F13A1: variants seen among roughly 807,000 people sequenced by gnomAD.
F13A1 encodes coagulation factor XIII A chain, also known as FSF, A subunit.
F13A1 carries 47 observed loss-of-function variants against 80.1 expected under a neutral mutation model. The ratio of observed to expected loss-of-function variants is 0.59; its 90% CI spans 0.46 to 0.75. The LOEUF is 0.75. Ranked by LOEUF, F13A1 falls within the 30% of genes least tolerant of loss-of-function variation. F13A1 has a pLI of 0.00. For missense variants in F13A1, 817 were observed against 930.4 expected (o/e 0.88, Z 1.59); for synonymous variants, 349 against 344.9 (o/e 1.01, Z -0.13).
intron 8 of F13A1, among the ~76,000 whole-genome samples, chr6:6,208,210 C>T (rs1761528072): frequency 6.6e-6 from 1 of 151,914 alleles, no homozygotes; most frequent in African/African-American, 2.4e-5. Context: ...TGAAAAGGAA[C>T]CAAATAGAAA....
intron 14 of F13A1, among the ~76,000 whole-genome samples, chr6:6,147,497 C>T (rs1367529778): frequency 6.6e-6 from 1 of 152,196 alleles, no homozygotes. Flanking sequence ...AGAAAATTCT[C>T]AGTGCTCAAT....
In F13A1 at chr6:6,250,280, GC is replaced by G. The variant is rs1757612400; in HGVS notation, c.690+530del. On this transcript the variant is annotated intron_variant, in intron 5 of 14. Coordinates refer to ENST00000264870, the MANE Select transcript of F13A1 (RefSeq NM_000129.4). This position sits in a 1 kb window ranked among gnomAD's most constrained non-coding sequence, Gnocchi z 4.2. The stretch of plus-strand genomic sequence containing the variant: ...GAATGACTGAACATCTTAAAGAAAT[GC>G]CATTTGCTACTTTGTGTCTAGACAA... Among the ~76,000 whole-genome samples, 2 of 152,150 alleles carry G rather than the reference GC, an allele frequency of 1.3e-5. No homozygotes were observed. The highest frequency in any genetic ancestry group is 4.2e-4 in the South Asian group (2 of 4,818).
intron 6 of F13A1, among the ~76,000 whole-genome samples, chr6:6,245,333 C>T (rs1296999646): frequency 6.6e-6 from 1 of 152,156 alleles, no homozygotes; most frequent in Non-Finnish European, 1.5e-5. Flanking sequence ...AGCAATTCTC[C>T]TGCCTCAGCC....
intron 3 of F13A1, among the ~76,000 whole-genome samples, chr6:6,288,008 TA>T (rs1354923355): frequency 1.4e-4 from 21 of 151,874 alleles, no homozygotes; most frequent in Admixed American, 1.2e-3. Flanking sequence ...AGATGTTTTT[TA>T]AAAAATAGAC....
At chr6:6,256,857 T>C (rs541736514) in intron 4 of F13A1, among the ~76,000 whole-genome samples, 15 of 151,832 alleles carry the variant, frequency 9.9e-5, no homozygotes, top group African/African-American at 3.6e-4. Context: ...AAGTTCCATT[T>C]CCTTGGTCAT....
In F13A1 at chr6:6,189,941, C is replaced by G. The variant is rs141454395; in HGVS notation, c.1305+5856G>C. Among the ~76,000 whole-genome samples, 666 of 152,214 alleles carry G rather than the reference C, an allele frequency of 4.4e-3. 6 individuals carry two copies. Among genetic ancestry groups the G allele is most frequent in the African/African-American group, 0.015 (628 of 41,534 alleles). On this transcript the variant is annotated intron_variant, in intron 10 of 14. Coordinates refer to ENST00000264870, the MANE Select transcript of F13A1 (RefSeq NM_000129.4). Reference sequence around the variant, plus strand: ...CTGGTTTCTTTTTATTCTTTTTTCTCTAAACTTCCCATCTTGCTTCATTTC... The same window carrying G: ...CTGGTTTCTTTTTATTCTTTTTTCTGTAAACTTCCCATCTTGCTTCATTTC...
Position 6,175,138 on chromosome 6 carries a change from A to G in F13A1, c.1460-271T>C, listed in dbSNP as rs1194371341. Among the ~76,000 whole-genome samples, 71 of 152,176 alleles carry G rather than the reference A, an allele frequency of 4.7e-4. 1 individual carries two copies. Among genetic ancestry groups the G allele is most frequent in the Admixed American group, 4.6e-3 (71 of 15,284 alleles). ...GGGGTTTCTCCGGGGCCACTATTTC[A>G]GGGGGTGGGAGGTAAAATTGGCAAT... is the stretch of plus-strand genomic sequence containing the variant. On this transcript the variant is annotated intron_variant, in intron 11 of 14. Transcript: ENST00000264870.
At chr6:6,259,179 G>A (rs907977876) in intron 4 of F13A1, among the ~76,000 whole-genome samples, 1 of 152,158 alleles carries the variant, frequency 6.6e-6, no homozygotes, top group African/African-American at 2.4e-5. Flanking sequence ...CAATATTTGT[G>A]GATTGATGGA....
intron 3 of F13A1, among the ~76,000 whole-genome samples, chr6:6,303,927 C>G (rs1238116689): frequency 1.3e-5 from 2 of 152,108 alleles, no homozygotes; most frequent in African/African-American, 4.8e-5. Context: ...AGCCAACTTA[C>G]AAAGTTTTAT....
At chr6:6,247,373 T>A (rs757745532) in intron 6 of F13A1, among the ~76,000 whole-genome samples, 31 of 152,244 alleles carry the variant, frequency 2.0e-4, no homozygotes, top group Non-Finnish European at 4.0e-4. Flanking sequence ...TATTTCTTTT[T>A]TTCAGTCTTT....
At chr6:6,186,033 T>C (rs565152000) in intron 10 of F13A1, among the ~76,000 whole-genome samples, 13 of 151,516 alleles carry the variant, frequency 8.6e-5, no homozygotes, top group South Asian at 2.1e-4. Flanking sequence ...TTGAGAAGTG[T>C]CTGTTCATGT....
At chr6:6,191,945 C>G (rs6906915) in intron 10 of F13A1, among the ~76,000 whole-genome samples, 101,106 of 152,072 alleles carry the variant, frequency 0.66, 34,598 homozygotes, top group African/African-American at 0.83. Flanking sequence ...ATTTTAGGTG[C>G]AGTTGGGTGA....
At chr6:6,156,387 C>G (rs1450523858) in intron 13 of F13A1, among the ~76,000 whole-genome samples, 1 of 152,070 alleles carries the variant, frequency 6.6e-6, no homozygotes, top group Non-Finnish European at 1.5e-5. Flanking sequence ...TAAGCATATG[C>G]TTTAAAAATA....
intron 3 of F13A1, among the ~76,000 whole-genome samples, chr6:6,274,345 G>A (rs182093919): frequency 5.0e-4 from 76 of 152,280 alleles, no homozygotes; most frequent in African/African-American, 1.7e-3. Context: ...AATGTAAGGC[G>A]TAATTTTGTG....
rs1399870302 is a variant in F13A1 at position 6,187,969 on chromosome 6, G to A, written c.1306-5828C>T. The stretch of plus-strand genomic sequence containing the variant: ...AGTCTTGGGAGAGTGTATGTGTCGA[G>A]GAATTTATCCATTTCTTCTATATTT... On this transcript the variant is annotated intron_variant, in intron 10 of 14. Transcript: ENST00000264870. 1.0e-4 allele frequency among the ~76,000 whole-genome samples: 15 copies of A among 149,490 alleles called. No individual in the cohort carries two copies. In the South Asian group the frequency reaches 2.4e-3, roughly 24 times the overall value.
At chr6:6,209,715 C>A (rs1761566980) in intron 8 of F13A1, among the ~76,000 whole-genome samples, 1 of 152,182 alleles carries the variant, frequency 6.6e-6, no homozygotes, top group African/African-American at 2.4e-5. Flanking sequence ...GAACCTTGAA[C>A]ACGTTACGCT....
At chr6:6,253,306 T>G (rs1049336119) in intron 4 of F13A1, among the ~76,000 whole-genome samples, 1 of 152,218 alleles carries the variant, frequency 6.6e-6, no homozygotes, top group African/African-American at 2.4e-5. Context: ...TAACTAGCAG[T>G]TCTTCCCTCT....
chr6:6,217,615 A>G (rs1021635931), intron 8 of F13A1, among the ~76,000 whole-genome samples: 6 of 152,150 alleles, frequency 3.9e-5, no homozygotes, highest in Non-Finnish European at 5.9e-5. Context: ...CCAGCATGGC[A>G]CATGTATACA....
At chr6:6,197,676 CA>C (rs11343875) in intron 8 of F13A1, among the ~76,000 whole-genome samples, 15,933 of 137,494 alleles carry the variant, frequency 0.12, 1,475 homozygotes, top group East Asian at 0.46. Context: ...GACTCCATCT[CA>C]AAAAAAAAAA....
Sources: allele counts gnomAD v4.1 joint callset (sites outside exome capture counted in the v4.1 genomes callset), GRCh38; gene constraint gnomAD v4.1.1; non-coding constraint Gnocchi (gnomAD v3.1); transcripts MANE v1.5; gene names NCBI Gene and HGNC (gene_info 2026-07-23, HGNC 2026-07-21).